VPS13C: variants seen among roughly 807,000 people sequenced by gnomAD.
VPS13C encodes vacuolar protein sorting 13 homolog C.
Under a neutral mutation model 456.8 loss-of-function variants are expected in VPS13C, and 358 were observed. The observed-to-expected ratio is 0.78, with a 90% confidence interval of 0.72 to 0.86. The LOEUF (loss-of-function observed/expected upper bound fraction) is 0.86, where lower values mean the gene tolerates loss of function less well. VPS13C is among the 40% of genes least tolerant of loss of function. The pLI, the probability that VPS13C is intolerant of heterozygous loss-of-function variation, is 0.00. For missense variants in VPS13C, 4,818 were observed against 4,385.4 expected (o/e 1.10, Z -2.79); for synonymous variants, 1,578 against 1,486.7 (o/e 1.06, Z -1.41).
chr15:62,049,096 T>G lies in VPS13C; in HGVS notation c.101-4841A>C, dbSNP rs1314769874. Among the ~76,000 whole-genome samples the G allele has an allele frequency of 5.3e-5, 8 of 152,248 alleles. No individual in the cohort carries two copies. The East Asian group carries it at 5.8e-4, about 11-fold the overall frequency. The stretch of plus-strand genomic sequence containing the variant: ...GTAGTTTCTTTTGCTGTGCAGAAGC[T>G]CTTTAGTTTAATTAGATCCCATTTG... On this transcript the variant is annotated intron_variant, in intron 1 of 84. Coordinates refer to ENST00000644861, the MANE Select transcript of VPS13C (RefSeq NM_020821.3).
At chr15:62,050,330 G>A (rs2048574996) in intron 1 of VPS13C, among the ~76,000 whole-genome samples, 1 of 152,170 alleles carries the variant, frequency 6.6e-6, no homozygotes, top group South Asian at 2.1e-4. Context: ...CCCTTATGCT[G>A]GACTGACAGG....
intron 59 of VPS13C, 149 bp from the exon 60 acceptor site, chr15:61,917,784 A>T: frequency 2.2e-6 from 2 of 891,690 alleles, no homozygotes; most frequent in Non-Finnish European, 3.1e-6. Flanking sequence ...GCTAAAAAAA[A>T]GGTTAGGAAA....
rs780221902 is a variant in VPS13C, at chr15:61,963,852, G to A, written c.3314C>T (p.Ala1105Val). ...ACTTTTACCTTGAATCTTGATTTCG[G>A]CGATATTGTTCTTTTCGTTGCAAAC... ...VIVCNEKNNI[A>V]EIKIQGLDSS... Residue 1105 changes from alanine to valine, a missense_variant, in exon 32 of 85, where the codon GCC becomes GTC. Coordinates refer to ENST00000644861, the MANE Select transcript of VPS13C (RefSeq NM_020821.3). The A allele has an allele frequency of 1.2e-6, 2 of 1,608,212 alleles. No homozygotes were observed. Among genetic ancestry groups the A allele is most frequent in the Non-Finnish European group, 1.7e-6 (2 of 1,177,086 alleles).
At chr15:61,885,416 G>C (rs1341738584) in intron 67 of VPS13C, among the ~76,000 whole-genome samples, 1 of 152,022 alleles carries the variant, frequency 6.6e-6, no homozygotes, top group Non-Finnish European at 1.5e-5. Context: ...GGTTGAGGGT[G>C]GTTCTTTTTG....
chr15:62,008,673 T>C lies in VPS13C; in HGVS notation c.1100A>G (p.His367Arg). 1 of 1,605,556 alleles carries C rather than the reference T, an allele frequency of 6.2e-7. No homozygotes were observed. Among genetic ancestry groups the C allele is most frequent in the Non-Finnish European group, 8.5e-7 (1 of 1,175,834 alleles). ...YRKYKPYLPL[H>R]TNGRRWWKYA... ...AACTTACCATCGTCGACCATTGGTA[T>C]GAAGTGGTAAATAAGGCTTGTATTT... The change falls in exon 14 of 85, where the codon CAT (histidine) becomes CGT (arginine). Residue 367 changes from histidine (H) to arginine (R), a missense_variant. By Grantham distance (29) the His-to-Arg change is conservative. This residue lies in a region of VPS13C where 4,552 missense variants were observed against 4,130.6 expected (regional missense o/e 1.10). Coordinates refer to ENST00000644861, the MANE Select transcript of VPS13C (RefSeq NM_020821.3).
intron 9 of VPS13C, among the ~76,000 whole-genome samples, chr15:62,015,299 T>C (rs1363396846): frequency 6.6e-6 from 1 of 152,168 alleles, no homozygotes; most frequent in Non-Finnish European, 1.5e-5. Context: ...TCCCATGTTG[T>C]AGGTTGCCTG....
At chr15:62,016,216 A>C in intron 9 of VPS13C, among the ~76,000 whole-genome samples, 1 of 151,114 alleles carries the variant, frequency 6.6e-6, no homozygotes, top group Middle Eastern at 3.2e-3. Context: ...AGTAGTCATA[A>C]GGCAAACTTG....
In VPS13C at chr15:61,873,246, T is replaced by G; in HGVS notation, c.10578A>C (p.Arg3526=). The G allele has an allele frequency of 6.2e-7, 1 of 1,613,414 alleles. No individual in the cohort carries two copies. The highest frequency in any genetic ancestry group is 8.5e-7 in the Non-Finnish European group (1 of 1,179,558). The part of the protein sequence containing the change: ...SLARGGKGFL[R]GVVGGVTGII... ...CTTAAAGATTCAGCAAAGAACTTAC[T>G]CGCAGAAAGCCCTTTCCTCCTCTGG... Residue 3526 remains arginine, a splice_region_variant and synonymous_variant, in exon 78 of 85, where the codon CGA becomes CGC. Coordinates refer to ENST00000644861, the MANE Select transcript of VPS13C (RefSeq NM_020821.3).
chr15:62,030,094 G>C lies in VPS13C; in HGVS notation c.386-1674C>G, dbSNP rs977676810. 2.6e-5 allele frequency among the ~76,000 whole-genome samples: 4 copies of C among 152,202 alleles called. No individual in the cohort carries two copies. In the South Asian group the frequency reaches 6.2e-4, roughly 24 times the overall value. Reference sequence around the variant, plus strand: ...CTCCAAGAGACAACAGGGTGGTACAGAGTACCAACAGATGGGTTTACACGA... The same window carrying C: ...CTCCAAGAGACAACAGGGTGGTACACAGTACCAACAGATGGGTTTACACGA... On this transcript the variant is annotated intron_variant, in intron 5 of 84. Transcript: ENST00000644861.
chr15:61,936,490 T>G, intron 48 of VPS13C, 107 bp downstream of exon 48: 1 of 1,123,832 alleles, frequency 8.9e-7, no homozygotes, highest in South Asian at 2.8e-5. Context: ...AGTACAATAC[T>G]GAATTAGTTC....
chr15:61,938,054 C>G (rs1213055707), intron 47 of VPS13C, among the ~76,000 whole-genome samples: 1 of 152,182 alleles, frequency 6.6e-6, no homozygotes, highest in Non-Finnish European at 1.5e-5. Context: ...GAGAAATTGC[C>G]TAGTTCCCAC....
chr15:61,929,348 T>A (rs1472133089), intron 51 of VPS13C, among the ~76,000 whole-genome samples, 153 bp downstream of exon 51: 2 of 152,236 alleles, frequency 1.3e-5, no homozygotes, highest in Admixed American at 1.3e-4. Context: ...AAAAATGTTT[T>A]AAAAAACTAA....
chr15:61,991,073 G>A lies in VPS13C; in HGVS notation c.1505C>T (p.Pro502Leu), dbSNP rs751616578. The change falls in exon 18 of 85, where the codon CCA becomes CTA. Residue 502 changes from proline (P) to leucine (L), a missense_variant. This residue lies in a region of VPS13C where 4,552 missense variants were observed against 4,130.6 expected (regional missense o/e 1.10). Transcript: ENST00000644861. ...IPETIDDLMTPEEKDKLFTAI... is the reference protein window; with the variant it reads ...IPETIDDLMTLEEKDKLFTAI... ...AGTGAAGAGTTTATCTTTTTCCTCT[G>A]GAGTCATAAGGTCATCAATAGCTAT... The A allele has an allele frequency of 2.5e-6, 4 of 1,609,544 alleles. No individual in the cohort carries two copies. Among genetic ancestry groups the A allele is most frequent in the Middle Eastern group, 1.7e-4 (1 of 6,040 alleles).
chr15:61,962,629 AT>A (rs1177238534), intron 33 of VPS13C, 91 bp from the exon 34 acceptor site: 54 of 1,370,596 alleles, frequency 3.9e-5, no homozygotes, highest in Non-Finnish European at 4.8e-5. Flanking sequence ...TATAATCTTT[AT>A]AAAAAAATTT....
At chr15:62,042,465 G>A (rs74774828) in intron 2 of VPS13C, among the ~76,000 whole-genome samples, 2,156 of 151,900 alleles carry the variant, frequency 0.014, 58 homozygotes, top group African/African-American at 0.05. Context: ...TGAATGCTAC[G>A]TAAACAGGAA....
At chr15:62,059,423 A>C (rs547689762) in intron 1 of VPS13C, among the ~76,000 whole-genome samples, 1 of 152,308 alleles carries the variant, frequency 6.6e-6, no homozygotes, top group East Asian at 1.9e-4. Flanking sequence ...AGAAAGTCCC[A>C]AAGTCCTCAA....
At chr15:61,885,024 T>C (rs1896165923) in intron 67 of VPS13C, among the ~76,000 whole-genome samples, 1 of 152,092 alleles carries the variant, frequency 6.6e-6, no homozygotes, top group South Asian at 2.1e-4. Flanking sequence ...AATGTGGAAA[T>C]TTCCTTACAC....
intron 42 of VPS13C, among the ~76,000 whole-genome samples, chr15:61,947,613 C>G (rs1018374185): frequency 1.3e-5 from 2 of 151,814 alleles, no homozygotes; most frequent in Non-Finnish European, 1.5e-5. Flanking sequence ...AGAAAACATT[C>G]TATATTAGAA....
intron 74 of VPS13C, among the ~76,000 whole-genome samples, chr15:61,877,820 A>G (rs1895562441): frequency 1.3e-5 from 2 of 151,996 alleles, no homozygotes; most frequent in South Asian, 2.1e-4. Flanking sequence ...TCTTTGATAA[A>G]TAATAACGCC....
Sources: allele counts gnomAD v4.1 joint callset (sites outside exome capture counted in the v4.1 genomes callset), GRCh38; gene constraint gnomAD v4.1.1; regional missense constraint gnomAD v4.1.1; transcripts MANE v1.5; gene names NCBI Gene and HGNC (gene_info 2026-07-23, HGNC 2026-07-21).